Variants in CCZ1B observed in about 807,000 individuals in gnomAD.
CCZ1B encodes the protein CCZ1B vacuolar protein trafficking and biogenesis associated.
CCZ1B carries 25 observed loss-of-function variants against 58.8 expected under a neutral mutation model. The ratio of observed to expected loss-of-function variants is 0.43; its 90% CI spans 0.31 to 0.59. The LOEUF is 0.59. Ranked by LOEUF, CCZ1B falls within the 20% of genes least tolerant of loss-of-function variation. The pLI, the probability that CCZ1B is intolerant of heterozygous loss-of-function variation, is 0.12. For missense variants in CCZ1B, 180 were observed against 501.5 expected, an observed-to-expected ratio of 0.36 and a Z score of 6.12; for synonymous variants, 66 against 173.2, an observed-to-expected ratio of 0.38 and a Z score of 4.86.
intron 1 of CCZ1B, 104 bp from the exon 2 acceptor site, chr7:6,824,841 G>C: frequency 1.4e-6 from 2 of 1,413,560 alleles, no homozygotes; most frequent in Non-Finnish European, 1.9e-6. Context: ...ACATGCTAAT[G>C]ACAAAATAAA....
chr7:6,815,432 G>T (rs1168550434), intron 7 of CCZ1B, among the ~76,000 whole-genome samples: 3 of 149,170 alleles, frequency 2.0e-5, no homozygotes, highest in Non-Finnish European at 4.4e-5. Flanking sequence ...TAAAGTGCTG[G>T]GATTACATAT....
In CCZ1B at chr7:6,809,542, G is replaced by A. The variant is rs1255604863; in HGVS notation, c.954+2410C>T. ...CAAAGGAGGATGATTTTTTTCTTGA[G>A]ATGGGGTCTCAAACTTTCACTCGAT... On this transcript the variant is annotated intron_variant, in intron 10 of 14. Transcript: ENST00000316731. Among the ~76,000 whole-genome samples, 5 of 142,132 alleles carry A rather than the reference G, an allele frequency of 3.5e-5. 1 individual carries two copies. The highest frequency in any genetic ancestry group is 6.0e-5 in the Non-Finnish European group (4 of 66,460). 93.2% of individuals were successfully genotyped at this position (142,132 alleles called of 152,430 possible).
intron 7 of CCZ1B, among the ~76,000 whole-genome samples, chr7:6,817,262 C>G (rs1243883212): frequency 6.6e-6 from 1 of 151,602 alleles, no homozygotes; most frequent in South Asian, 2.1e-4. Flanking sequence ...TCCTGTGACT[C>G]CAGGCTTCAA....
At chr7:6,808,690 G>C (rs1312704477) in intron 10 of CCZ1B, among the ~76,000 whole-genome samples, 3 of 151,322 alleles carry the variant, frequency 2.0e-5, no homozygotes, top group Non-Finnish European at 4.4e-5. Context: ...TATTGCAGTA[G>C]AGTGTCATCG....
At chr7:6,819,004 A>C (rs1783064643) in intron 7 of CCZ1B, among the ~76,000 whole-genome samples, 1 of 147,466 alleles carries the variant, frequency 6.8e-6, no homozygotes, top group East Asian at 2.0e-4. Flanking sequence ...TTTAAAAGAA[A>C]GTAGGTGCAG....
At chr7:6,822,549 G>A in intron 5 of CCZ1B, 185 bp from the exon 6 acceptor site, 2 of 1,175,646 alleles carry the variant, frequency 1.7e-6, no homozygotes, top group South Asian at 1.9e-5. Flanking sequence ...ATACTGTTAA[G>A]TGATGCTGTT....
At chr7:6,825,664 C>CACA (rs899253039) in intron 1 of CCZ1B, among the ~76,000 whole-genome samples, 3 of 125,696 alleles carry the variant, frequency 2.4e-5, no homozygotes, top group African/African-American at 9.3e-5. Context: ...CACACACACA[C>CACA]CCCTCCCGAA....
intron 8 of CCZ1B, 100 bp downstream of exon 8, chr7:6,814,664 C>G: frequency 9.4e-7 from 1 of 1,064,154 alleles, no homozygotes; most frequent in South Asian, 1.5e-5. Flanking sequence ...AAACATACAT[C>G]AGAAACGATC....
At position 6,823,332 on chromosome 7, in the gene CCZ1B, T is replaced by C. The variant is rs1783141876; in HGVS notation, c.419A>G (p.Gln140Arg). The C allele has an allele frequency of 1.9e-6, 3 of 1,607,794 alleles. No homozygotes were observed. Among genetic ancestry groups the C allele is most frequent in the Non-Finnish European group, 2.5e-6 (3 of 1,177,800 alleles). ...LDKVYSSVLRQCYSMYKLFNG... is the reference protein window; with the variant it reads ...LDKVYSSVLRRCYSMYKLFNG... ...GCTTACCTTGTACATGCTGTAGCAC[T>C]GCCGCAGCACCGAGCTATAAACCTT... The change falls in exon 5 of 15, where the codon CAG becomes CGG. Residue 140 changes from glutamine to arginine, a missense_variant. Physicochemically the swap from Gln to Arg is conservative, Grantham distance 43. Transcript: ENST00000316731.
chr7:6,825,441 G>A (rs1783180200), intron 1 of CCZ1B, among the ~76,000 whole-genome samples: 1 of 141,714 alleles, frequency 7.1e-6, no homozygotes, highest in Non-Finnish European at 1.5e-5. Flanking sequence ...TAGAGTTGGG[G>A]GTCTTGCTAT....
At chr7:6,813,518 T>A (rs1342836296) in intron 8 of CCZ1B, among the ~76,000 whole-genome samples, 2 of 148,914 alleles carry the variant, frequency 1.3e-5, no homozygotes, top group Admixed American at 6.7e-5. Flanking sequence ...TTTGAGACCA[T>A]CCGAGTCAAC....
intron 12 of CCZ1B, among the ~76,000 whole-genome samples, chr7:6,803,989 G>A (rs535641863): frequency 2.6e-3 from 370 of 144,858 alleles, no homozygotes; most frequent in South Asian, 6.5e-3. Flanking sequence ...TGAACATTAA[G>A]ACCATGAGCG....
In CCZ1B at chr7:6,814,851, A is replaced by G. The variant is rs1382427337; in HGVS notation, c.699-6T>C. ...CATCTTGTTCTAATCCACTCCTGCAACAACAGAAAAGCACTGGGTTAAACG... is the reference window on the plus strand; with the variant it reads ...CATCTTGTTCTAATCCACTCCTGCAGCAACAGAAAAGCACTGGGTTAAACG... On this transcript the variant is annotated splice_polypyrimidine_tract_variant and splice_region_variant and intron_variant, in intron 7 of 14. Transcript: ENST00000316731. 1 of 1,594,044 alleles carries G rather than the reference A, an allele frequency of 6.3e-7. No individual in the cohort carries two copies. Among genetic ancestry groups the G allele is most frequent in the Non-Finnish European group, 8.6e-7 (1 of 1,169,314 alleles).
intron 7 of CCZ1B, among the ~76,000 whole-genome samples, chr7:6,815,324 A>G (rs1275173599): frequency 4.9e-4 from 73 of 148,776 alleles, no homozygotes; most frequent in African/African-American, 1.8e-3. Flanking sequence ...CGCCACCATC[A>G]GCTAATTTTT....
intron 6 of CCZ1B, 97 bp from the exon 7 acceptor site, chr7:6,820,038 T>C (rs1252376819): frequency 1.5e-6 from 2 of 1,321,952 alleles, no homozygotes; most frequent in South Asian, 1.3e-5. Flanking sequence ...CTCACATTTA[T>C]GGTACAATTA....
At chr7:6,814,372 A>G (rs1167798671) in intron 8 of CCZ1B, among the ~76,000 whole-genome samples, 1 of 149,084 alleles carries the variant, frequency 6.7e-6, no homozygotes, top group Admixed American at 6.7e-5. Context: ...TGTCTCTACT[A>G]AAAATACAAA....
intron 7 of CCZ1B, among the ~76,000 whole-genome samples, chr7:6,817,457 G>T (rs181415000): frequency 1.3e-5 from 2 of 150,080 alleles, no homozygotes; most frequent in African/African-American, 2.5e-5. Context: ...AAGGCCATGG[G>T]CCACTACTGC....
intron 10 of CCZ1B, among the ~76,000 whole-genome samples, chr7:6,810,098 G>A (rs1307389257): frequency 6.6e-6 from 1 of 150,410 alleles, no homozygotes; most frequent in Admixed American, 6.6e-5. Flanking sequence ...TGCAACCTCC[G>A]CCTCGCGGGT....
intron 7 of CCZ1B, among the ~76,000 whole-genome samples, chr7:6,819,240 CT>C (rs200393243): frequency 0.26 from 34,434 of 132,406 alleles, 4,123 homozygotes; most frequent in South Asian, 0.47. Flanking sequence ...TAGGAACATT[CT>C]TTTTTTTTTT....
Sources: allele counts gnomAD v4.1 joint callset (sites outside exome capture counted in the v4.1 genomes callset), GRCh38; gene constraint gnomAD v4.1.1; transcripts MANE v1.5; gene names NCBI Gene and HGNC (gene_info 2026-07-23, HGNC 2026-07-21).